The following POU6F2 variants were observed in gnomAD, a reference collection of about 807,000 sequenced individuals.
POU6F2 encodes the protein POU class 6 homeobox 2, also known as POU domain, class 6, transcription factor 2.
POU6F2 carries 31 observed loss-of-function variants against 71.3 expected under a neutral mutation model. The ratio of observed to expected loss-of-function variants is 0.43; its 90% CI spans 0.33 to 0.59. The LOEUF (loss-of-function observed/expected upper bound fraction) is 0.59. Among genes scored for constraint, POU6F2 ranks in the 20% least tolerant of loss-of-function variants. POU6F2 has a pLI of 0.04. For missense variants in POU6F2, 783 were observed against 856.8 expected, an observed-to-expected ratio of 0.91 and a Z score of 1.07; for synonymous variants, 347 against 355.7, an observed-to-expected ratio of 0.98 and a Z score of 0.27.
chr7:39,167,814 CTTCA>C (rs1441729609), intron 2 of POU6F2, among the ~76,000 whole-genome samples: 1 of 151,422 alleles, frequency 6.6e-6, no homozygotes, highest in Non-Finnish European at 1.5e-5. Flanking sequence ...TATACCAATT[CTTCA>C]TTGTCTTCAA....
At chr7:39,122,003 GAT>G (rs1792054022) in intron 2 of POU6F2, among the ~76,000 whole-genome samples, 1 of 152,214 alleles carries the variant, frequency 6.6e-6, no homozygotes, top group African/African-American at 2.4e-5. Context: ...CCAGCCTACA[GAT>G]AGTATTTAAT....
At chr7:39,302,295 A>T (rs1416242239) in intron 4 of POU6F2, among the ~76,000 whole-genome samples, 1 of 152,230 alleles carries the variant, frequency 6.6e-6, no homozygotes, top group East Asian at 1.9e-4. Context: ...AGGAATAAAG[A>T]TCATAATAGA....
At chr7:39,448,302 C>T (rs1032794207) in intron 7 of POU6F2, among the ~76,000 whole-genome samples, 2 of 152,200 alleles carry the variant, frequency 1.3e-5, no homozygotes, top group Admixed American at 6.5e-5. Context: ...TACACATTTA[C>T]ACTGGCAATT....
At chr7:39,131,789 G>T (rs753308414) in intron 2 of POU6F2, among the ~76,000 whole-genome samples, 7 of 152,094 alleles carry the variant, frequency 4.6e-5, no homozygotes, top group Non-Finnish European at 8.8e-5. Context: ...CCTTTGACTG[G>T]CTAGAGAGTG....
chr7:39,327,106 C>T (rs1010944138), intron 4 of POU6F2, among the ~76,000 whole-genome samples: 5 of 151,920 alleles, frequency 3.3e-5, no homozygotes, highest in African/African-American at 7.3e-5. Flanking sequence ...TGTGAAACCC[C>T]GTCTCTACTA....
intron 4 of POU6F2, among the ~76,000 whole-genome samples, chr7:39,277,331 C>T (rs997375254): frequency 2.0e-5 from 3 of 152,068 alleles, no homozygotes. Flanking sequence ...TGAGGTTGGG[C>T]TTCTATTGAT....
chr7:39,181,791 G>T (rs2128741543), intron 2 of POU6F2, among the ~76,000 whole-genome samples: 1 of 151,974 alleles, frequency 6.6e-6, no homozygotes, highest in East Asian at 1.9e-4. Flanking sequence ...TCATTAGGTT[G>T]CTTTTCCATC....
At position 39,131,834 on chromosome 7, in the gene POU6F2, G is replaced by GT. The variant is rs1428727087; in HGVS notation, c.277+45807dup. Among the ~76,000 whole-genome samples, 60 of 125,456 alleles carry GT rather than the reference G, an allele frequency of 4.8e-4. 1 individual carries two copies. The highest frequency in any genetic ancestry group is 4.5e-3 in the East Asian group (12 of 2,658). The allele number at this position is 125,456 out of a possible 152,430, so 82.3% of individuals were successfully genotyped here. On this transcript the variant is annotated intron_variant, in intron 2 of 9. Transcript: ENST00000518318. The stretch of plus-strand genomic sequence containing the variant: ...CCTTCCGATGAGAGGCATCTATTTT[G>GT]TTTTATATTTTTTTTTTATGTTTTT...
Position 39,077,328 on chromosome 7 carries a change from G to A in POU6F2, c.106-8532G>A, listed in dbSNP as rs185388124. Among the ~76,000 whole-genome samples, 667 of 151,936 alleles carry A rather than the reference G, an allele frequency of 4.4e-3. 3 individuals carry two copies. Among genetic ancestry groups the A allele is most frequent in the African/African-American group, 0.015 (635 of 41,408 alleles). On this transcript the variant is annotated intron_variant, in intron 1 of 9. Coordinates refer to ENST00000518318, the MANE Select transcript of POU6F2 (RefSeq NM_001370959.1). ...TAACCTCCTAGGGCCAAAGAAGCTT[G>A]TAGAGGTTCAAGGTGAGGATTCCGA... is the stretch of plus-strand genomic sequence containing the variant.
intron 5 of POU6F2, among the ~76,000 whole-genome samples, chr7:39,347,919 A>G (rs1403172218): frequency 7.0e-6 from 1 of 143,664 alleles, no homozygotes; most frequent in Non-Finnish European, 1.6e-5. Context: ...GGTGTCAGCC[A>G]CTGTGCCCAG....
intron 2 of POU6F2, among the ~76,000 whole-genome samples, chr7:39,187,210 C>T (rs1395789202): frequency 1.3e-5 from 2 of 152,192 alleles, no homozygotes; most frequent in African/African-American, 2.4e-5. Flanking sequence ...GTCCCATGTC[C>T]ATTAAGTGGT....
At chr7:39,087,163 T>A (rs62442205) in intron 2 of POU6F2, among the ~76,000 whole-genome samples, 25,004 of 100,504 alleles carry the variant, frequency 0.25, 2,636 homozygotes, top group Non-Finnish European at 0.31. Flanking sequence ...TTAATTAATT[T>A]ATTTATTTAT....
chr7:39,317,218 A>G (rs558567653), intron 4 of POU6F2, among the ~76,000 whole-genome samples: 7 of 152,276 alleles, frequency 4.6e-5, no homozygotes, highest in African/African-American at 1.7e-4. Flanking sequence ...TCTCTCAGAG[A>G]ACACCCTAGC....
chr7:39,422,592 T>C (rs1358464259), intron 6 of POU6F2, among the ~76,000 whole-genome samples: 1 of 152,186 alleles, frequency 6.6e-6, no homozygotes, highest in Non-Finnish European at 1.5e-5. Flanking sequence ...ATGCATAGGA[T>C]CCTTGTGATG....
intron 1 of POU6F2, among the ~76,000 whole-genome samples, chr7:39,008,649 G>A (rs1789162259): frequency 1.3e-5 from 2 of 150,564 alleles, no homozygotes; most frequent in African/African-American, 4.9e-5. Flanking sequence ...GGTTTTTATG[G>A]TTTTAGGTCT....
chr7:39,432,033 G>A (rs1410148958), intron 6 of POU6F2, among the ~76,000 whole-genome samples: 1 of 152,194 alleles, frequency 6.6e-6, no homozygotes, highest in African/African-American at 2.4e-5. Context: ...TGGAAATAGA[G>A]ATCATGTTTT....
rs185646174 is a variant in POU6F2 at position 39,229,381 on chromosome 7, C to T, written c.598+21761C>T. ...TTAGCAATGCTCCCTCTCTCCCCTT[C>T]TCATCTGGCATCAACTGTCTGGGCC... On this transcript the variant is annotated intron_variant, in intron 4 of 9. Transcript: ENST00000518318. 3.6e-3 allele frequency among the ~76,000 whole-genome samples: 543 copies of T among 152,344 alleles called. 3 individuals are homozygous for T. Among genetic ancestry groups the T allele is most frequent in the African/African-American group, 0.012 (508 of 41,590 alleles).
intron 2 of POU6F2, among the ~76,000 whole-genome samples, chr7:39,116,209 A>T (rs1415877355): frequency 6.6e-6 from 1 of 152,058 alleles, no homozygotes; most frequent in African/African-American, 2.4e-5. Flanking sequence ...ACATAGTGAG[A>T]CTCTGTCTCT....
chr7:39,089,529 A>G (rs2128721638), intron 2 of POU6F2, among the ~76,000 whole-genome samples: 1 of 152,264 alleles, frequency 6.6e-6, no homozygotes, highest in Non-Finnish European at 1.5e-5. Flanking sequence ...TTTGGCAAAC[A>G]ATCTTAAAGG....
Sources: gnomAD v4.1 joint callset for allele counts (sites outside exome capture counted in the v4.1 genomes callset) on GRCh38, gnomAD v4.1.1 for gene constraint, MANE v1.5 for transcripts, NCBI Gene and HGNC (gene_info 2026-07-23, HGNC 2026-07-21) for gene names.